The following ROBO2 variants were observed in gnomAD, a reference collection of about 807,000 sequenced individuals.
The protein encoded by ROBO2 is roundabout guidance receptor 2.
ROBO2 carries 53 observed loss-of-function variants against 160.8 expected under a neutral mutation model. The ratio of observed to expected loss-of-function variants is 0.33; its 90% CI spans 0.26 to 0.41. ROBO2 has a LOEUF of 0.41. Ranked by LOEUF, ROBO2 falls within the 10% of genes least tolerant of loss-of-function variation. ROBO2 has a pLI of 1.00. For missense variants in ROBO2, 1,577 were observed against 1,722.4 expected (o/e 0.92, Z 1.49); for synonymous variants, 664 against 611.7 (o/e 1.09, Z -1.26).
intron 2 of ROBO2, among the ~76,000 whole-genome samples, chr3:76,486,231 G>C (rs1196552595): frequency 6.6e-6 from 1 of 152,188 alleles, no homozygotes; most frequent in African/African-American, 2.4e-5. Flanking sequence ...GCATTGTCAA[G>C]ATGATGTTGG....
At chr3:76,110,902 A>AT (rs1413027975) in intron 2 of ROBO2, among the ~76,000 whole-genome samples, 4 of 152,060 alleles carry the variant, frequency 2.6e-5, no homozygotes, top group Non-Finnish European at 5.9e-5. Flanking sequence ...GGAAAACTTT[A>AT]TTTTTTTCTC....
intron 2 of ROBO2, among the ~76,000 whole-genome samples, chr3:76,773,939 C>T (rs923754007): frequency 4.0e-5 from 6 of 150,778 alleles, no homozygotes; most frequent in Non-Finnish European, 7.4e-5. Flanking sequence ...GAAATTTGCT[C>T]CACTGGATAT....
intron 2 of ROBO2, among the ~76,000 whole-genome samples, chr3:76,700,209 A>T (rs889666666): frequency 2.0e-5 from 3 of 151,974 alleles, no homozygotes; most frequent in African/African-American, 7.2e-5. Context: ...TCCATTAAGC[A>T]ATTGTCCACT....
chr3:76,364,675 CT>C (rs1376858065), intron 2 of ROBO2, among the ~76,000 whole-genome samples: 9 of 151,850 alleles, frequency 5.9e-5, no homozygotes, highest in African/African-American at 1.9e-4. Context: ...CACATAAAAC[CT>C]TTTGTTCATT....
chr3:76,138,711 G>A (rs2071521009), intron 2 of ROBO2, among the ~76,000 whole-genome samples: 1 of 152,044 alleles, frequency 6.6e-6, no homozygotes, highest in East Asian at 1.9e-4. Flanking sequence ...CCAATTATTT[G>A]TAGTATTACA....
chr3:77,414,123 G>T (rs11914937), intron 2 of ROBO2, among the ~76,000 whole-genome samples: 11,677 of 152,172 alleles, frequency 0.077, 529 homozygotes, highest in African/African-American at 0.099. Context: ...ACCGTAGCTA[G>T]TAGGCAGAAA....
At chr3:76,894,315 G>T (rs544731659) in intron 2 of ROBO2, among the ~76,000 whole-genome samples, 1 of 152,102 alleles carries the variant, frequency 6.6e-6, no homozygotes, top group South Asian at 2.1e-4. Context: ...AATCATGTTG[G>T]TATTGCTGTA....
chr3:76,067,694 T>G (rs887449180), intron 2 of ROBO2, among the ~76,000 whole-genome samples: 1 of 152,192 alleles, frequency 6.6e-6, no homozygotes, highest in Non-Finnish European at 1.5e-5. Flanking sequence ...TTTTGTAAAC[T>G]TTCACCAATG....
intron 2 of ROBO2, among the ~76,000 whole-genome samples, chr3:77,241,911 C>A (rs1487343328): frequency 6.6e-6 from 1 of 152,082 alleles, no homozygotes; most frequent in African/African-American, 2.4e-5. Flanking sequence ...AAGCTTTGAC[C>A]ATTTGTGAAC....
At chr3:76,729,555 GT>G (rs1170199203) in intron 2 of ROBO2, among the ~76,000 whole-genome samples, 1 of 151,798 alleles carries the variant, frequency 6.6e-6, no homozygotes, top group Non-Finnish European at 1.5e-5. Context: ...CTTATTTTCA[GT>G]GATTATATTT....
At chr3:76,355,544 C>T (rs1251087276) in intron 2 of ROBO2, among the ~76,000 whole-genome samples, 1 of 151,752 alleles carries the variant, frequency 6.6e-6, no homozygotes, top group African/African-American at 2.4e-5. Flanking sequence ...CTGTTACATT[C>T]TGCAAATATT....
chr3:76,548,857 G>A (rs263519), intron 2 of ROBO2, among the ~76,000 whole-genome samples: 4,975 of 152,126 alleles, frequency 0.033, 289 homozygotes, highest in African/African-American at 0.11. Context: ...ATGTATGACC[G>A]TGGGAAGAGT....
intron 2 of ROBO2, among the ~76,000 whole-genome samples, chr3:76,777,684 C>G (rs911298224): frequency 1.3e-5 from 2 of 150,508 alleles, no homozygotes; most frequent in African/African-American, 4.9e-5. Context: ...ACGTGCTTTA[C>G]TCTGGATTTA....
At chr3:77,123,311 G>A (rs1480137376) in intron 2 of ROBO2, among the ~76,000 whole-genome samples, 1 of 152,062 alleles carries the variant, frequency 6.6e-6, no homozygotes, top group African/African-American at 2.4e-5. Flanking sequence ...ATTTTTGTTG[G>A]TTTGTTTGTG....
intron 2 of ROBO2, among the ~76,000 whole-genome samples, chr3:77,307,181 T>C (rs2063167226): frequency 1.3e-5 from 2 of 152,196 alleles, no homozygotes; most frequent in African/African-American, 4.8e-5. Flanking sequence ...CCTGGCCTCG[T>C]TAATTTATGT....
intron 2 of ROBO2, among the ~76,000 whole-genome samples, chr3:76,192,555 C>T (rs887087805): frequency 1.3e-5 from 2 of 151,058 alleles, no homozygotes; most frequent in African/African-American, 4.9e-5. Flanking sequence ...CACACACACA[C>T]ACACACACAC....
Position 76,538,151 on chromosome 3 carries a change from TCACACACACACACA to T in ROBO2, c.110-559843_110-559830del, listed in dbSNP as rs3223397. 2.7e-5 allele frequency among the ~76,000 whole-genome samples: 4 copies of T among 146,258 alleles called. No homozygotes were observed. The South Asian group carries it at 6.6e-4, about 24-fold the overall frequency. On this transcript the variant is annotated intron_variant, in intron 2 of 26. Transcript: ENST00000487694. Reference sequence around the variant, plus strand: ...CTTTGGCTCAGAGGCCTGACAGAACTCACACACACACACACACACACACACACACACACCATATT... The same window carrying T: ...CTTTGGCTCAGAGGCCTGACAGAACTCACACACACACACACACACCATATT...
At chr3:76,744,986 C>G (rs1014229522) in intron 2 of ROBO2, among the ~76,000 whole-genome samples, 1 of 152,108 alleles carries the variant, frequency 6.6e-6, no homozygotes, top group Admixed American at 6.6e-5. Context: ...ACAAAGGATT[C>G]CGATCAATTA....
intron 2 of ROBO2, among the ~76,000 whole-genome samples, chr3:76,263,566 G>A (rs1216509868): frequency 2.0e-5 from 3 of 152,014 alleles, no homozygotes; most frequent in Non-Finnish European, 2.9e-5. Flanking sequence ...AATTTGAGGA[G>A]GCCTACTGAA....
Sources: allele counts gnomAD v4.1 joint callset (sites outside exome capture counted in the v4.1 genomes callset), GRCh38; gene constraint gnomAD v4.1.1; transcripts MANE v1.5; gene names NCBI Gene and HGNC (gene_info 2026-07-23, HGNC 2026-07-21).